The following SUOX variants were observed in gnomAD, a reference collection of about 807,000 sequenced individuals.
SUOX encodes the protein sulfite oxidase, also known as sulfite oxidase, mitochondrial.
Under a neutral mutation model 41.9 loss-of-function variants are expected in SUOX, and 39 were observed. The ratio of observed to expected loss-of-function variants is 0.93; its 90% confidence interval spans 0.72 to 1.21. The LOEUF (loss-of-function observed/expected upper bound fraction) is 1.21. Ranked by LOEUF, SUOX falls within the 50% of genes most tolerant of loss-of-function variation. The probability of loss-of-function intolerance (pLI) is 0.00; values close to 1 mark genes in which losing one functional copy is unlikely to be tolerated. For synonymous variants in SUOX, 220 were observed against 268.4 expected, an observed-to-expected ratio of 0.82 and a Z score of 1.76; for missense variants, 633 against 689.5, an observed-to-expected ratio of 0.92 and a Z score of 0.92.
Position 56,002,232 on chromosome 12 carries a change from T to C in SUOX, c.11T>C (p.Leu4Pro), listed in dbSNP as rs764620717. The change falls in exon 3 of 5, where the codon CTG (leucine) becomes CCG (proline). Residue 4 changes from leucine (L) to proline (P), a missense_variant. By Grantham distance (98) the Leu-to-Pro change is moderately conservative. Transcript: ENST00000266971. ...TACAGGTCTGCTACAATGCTGCTGC[T>C]GCACAGAGCTGTGGTCCTCAGGCTC... is the stretch of plus-strand genomic sequence containing the variant. MLL[L>P]HRAVVLRLQQ... 6.2e-7 allele frequency: 1 copy of C among 1,613,112 alleles called. No individual in the cohort carries two copies. The highest frequency in any genetic ancestry group is 1.1e-5 in the South Asian group (1 of 91,088).
chr12:56,002,335 A>G (rs1013095143), intron 3 of SUOX, 64 bp downstream of exon 3: 162 of 1,576,698 alleles, frequency 1.0e-4, no homozygotes, highest in Non-Finnish European at 1.3e-4. Context: ...TGTCTTTTAC[A>G]ATGTCATACC....
rs1565799390 is a variant in SUOX, at chr12:56,004,488, G to A, written c.1099G>A (p.Val367Met). 2 of 1,614,094 alleles carry A rather than the reference G, an allele frequency of 1.2e-6. No homozygotes were observed. Among genetic ancestry groups the A allele is most frequent in the Non-Finnish European group, 1.7e-6 (2 of 1,180,036 alleles). The change falls in exon 5 of 5, where the codon GTG (valine) becomes ATG (methionine). Residue 367 changes from valine to methionine, a missense_variant. By Grantham distance (21) the Val-to-Met change is conservative (BLOSUM62 1). Transcript: ENST00000266971. This position sits in a 1 kb window ranked among gnomAD's most constrained non-coding sequence, Gnocchi z 4.5. Reference protein sequence around the residue: ...LPRDHGFPVRVVVPGVVGARH... With the variant: ...LPRDHGFPVRMVVPGVVGARH... ...ACGTGACCACGGCTTCCCTGTGCGT[G>A]TGGTGGTTCCTGGAGTGGTGGGTGC...
At position 56,005,074 on chromosome 12, in the gene SUOX, A is replaced by C. The variant is rs767182198; in HGVS notation, c.*47A>C. The C allele has an allele frequency of 1.1e-5, 18 of 1,591,932 alleles. No homozygotes were observed. Among genetic ancestry groups the C allele is most frequent in the Non-Finnish European group, 1.5e-5 (18 of 1,171,688 alleles). On this transcript the variant is annotated 3_prime_UTR_variant, in exon 5 of 5. Transcript: ENST00000266971. ...ACCCCTTTCCCCACCCATTAGCCTC[A>C]CTGCTTCAGAAAAATCTTTCCCACC... is the stretch of plus-strand genomic sequence containing the variant.
At chr12:56,003,471 A>G (rs550628174) in intron 4 of SUOX, 147 bp from the exon 5 acceptor site, 50 of 692,424 alleles carry the variant, frequency 7.2e-5, no homozygotes, top group Non-Finnish European at 1.1e-4. Flanking sequence ...ATGTTGGTCA[A>G]GCTGGTCTTG....
At chr12:56,000,476 A>C (rs933909888) in intron 2 of SUOX, among the ~76,000 whole-genome samples, 1 of 152,154 alleles carries the variant, frequency 6.6e-6, no homozygotes, top group Admixed American at 6.5e-5. Context: ...CCGGAACTCC[A>C]GCTGGCCCGC....
At position 56,002,676 on chromosome 12, in the gene SUOX, T is replaced by G; in HGVS notation, c.184T>G (p.Leu62Val). The G allele has an allele frequency of 6.2e-7, 1 of 1,614,042 alleles. No homozygotes were observed. The change falls in exon 4 of 5, where the codon TTA becomes GTA. Residue 62 changes from leucine to valine, a missense_variant. Transcript: ENST00000266971. ...TQGWRVMGTL[L>V]GLGAVLAYQD... ...GGGATGGAGAGTCATGGGGACCCTA[T>G]TAGGTCTCGGTGCAGTGTTGGCCTA...
intron 2 of SUOX, chr12:56,001,378 C>A (rs1405493151): frequency 6.6e-6 from 1 of 151,806 alleles, no homozygotes; most frequent in Non-Finnish European, 1.5e-5. Context: ...CCCGCCTCAG[C>A]CTCCCAAAGT....
chr12:55,998,382 CAAAAAAA>C (rs780569420), intron 2 of SUOX, among the ~76,000 whole-genome samples: 2 of 55,708 alleles, frequency 3.6e-5, no homozygotes, highest in Non-Finnish European at 7.6e-5. Context: ...CTCATCTCTA[CAAAAAAA>C]AAAAAAAAAA....
Position 56,004,175 on chromosome 12 carries a change from G to A in SUOX, c.786G>A (p.Leu262=), listed in dbSNP as rs780034427. The part of the protein sequence containing the change: ...NFPRYEITVT[L]QCAGNRRSEM... ...CCAGGTACGAGATCACAGTCACTCT[G>A]CAGTGTGCCGGCAACCGACGCTCTG... The change falls in exon 5 of 5, where the codon CTG becomes CTA. Residue 262 remains leucine (L), a synonymous_variant. Coordinates refer to ENST00000266971, the MANE Select transcript of SUOX (RefSeq NM_001032386.2). The surrounding 1 kb of genome is among the most constrained non-coding windows in gnomAD (Gnocchi z 4.5). 5 of 1,614,020 alleles carry A rather than the reference G, an allele frequency of 3.1e-6. No homozygotes were observed. In the Admixed American group the frequency reaches 8.3e-5, roughly 27 times the overall value.
chr12:55,999,492 G>A (rs143956013), intron 2 of SUOX: 1,954 of 154,848 alleles, frequency 0.013, 20 homozygotes, highest in Non-Finnish European at 0.019. Flanking sequence ...CAGCGTGTCC[G>A]GAGTTTGTTC....
chr12:56,004,259 T>C lies in SUOX; in HGVS notation c.870T>C (p.Thr290=). ...GLEWRTGAIS[T]ARWAGARLCD... ...AGTGGAGAACAGGAGCCATCAGCAC[T>C]GCACGCTGGGCTGGGGCACGGCTCT... The change falls in exon 5 of 5, where the codon ACT becomes ACC. Residue 290 remains threonine, a synonymous_variant. Coordinates refer to ENST00000266971, the MANE Select transcript of SUOX (RefSeq NM_001032386.2). The surrounding 1 kb of genome is among the most constrained non-coding windows in gnomAD (Gnocchi z 4.5). 1 of 1,613,998 alleles carries C rather than the reference T, an allele frequency of 6.2e-7. No individual in the cohort carries two copies. The highest frequency in any genetic ancestry group is 1.3e-5 in the African/African-American group (1 of 75,006).
intron 2 of SUOX, chr12:56,001,817 C>T: frequency 2.9e-6 from 2 of 687,546 alleles, no homozygotes; most frequent in Non-Finnish European, 3.8e-6. Context: ...TCAGTCTGAC[C>T]CACAGTTGTC....
Position 56,005,252 on chromosome 12 carries a change from C to A in SUOX, c.*225C>A. 1 of 613,748 alleles carries A rather than the reference C, an allele frequency of 1.6e-6. No individual in the cohort carries two copies. Among genetic ancestry groups the A allele is most frequent in the Non-Finnish European group, 2.9e-6 (1 of 345,702 alleles). 38.0% of individuals were successfully genotyped at this position (613,748 alleles called of 1,614,324 possible). A position where few individuals can be genotyped will look rare whatever the true frequency, so the allele number is the denominator to read the frequency against. ...TGCCAGGAAGTGTGAGCTGTTACAG[C>A]AAGGGGCTAGAAGTGAAAAAAGTAA... On this transcript the variant is annotated 3_prime_UTR_variant, in exon 5 of 5. Coordinates refer to ENST00000266971, the MANE Select transcript of SUOX (RefSeq NM_001032386.2).
chr12:56,001,186 G>C (rs573867970), intron 2 of SUOX: 1 of 140,092 alleles, frequency 7.1e-6, no homozygotes, highest in South Asian at 2.3e-4. Context: ...GAGCAGTGGC[G>C]TGATCTCAGC....
chr12:56,000,231 G>C (rs1412308790), intron 2 of SUOX, among the ~76,000 whole-genome samples: 2 of 152,248 alleles, frequency 1.3e-5, no homozygotes, highest in Non-Finnish European at 2.9e-5. Context: ...GGCCCCACAG[G>C]AGCCCACGGC....
intron 2 of SUOX, 103 bp downstream of exon 2, chr12:55,997,826 C>T (rs1890363030): frequency 6.6e-6 from 1 of 152,402 alleles, no homozygotes; most frequent in Non-Finnish European, 1.5e-5. Context: ...ACGACCCACC[C>T]ACCCCAGCAC....
Position 56,004,534 on chromosome 12 carries a change from G to A in SUOX, c.1145G>A (p.Gly382Asp). ...GGTGCCCGCCATGTCAAATGGCTGG[G>A]CAGAGTGAGTGTGCAGCCAGAGGAA... Reference protein sequence around the residue: ...VVGARHVKWLGRVSVQPEESY... With the variant: ...VVGARHVKWLDRVSVQPEESY... The change falls in exon 5 of 5, where the codon GGC (glycine) becomes GAC (aspartate). Residue 382 changes from glycine (G) to aspartate (D), a missense_variant. Gly to Asp is a moderately conservative substitution (Grantham distance 94). Transcript: ENST00000266971. This position sits in a 1 kb window ranked among gnomAD's most constrained non-coding sequence, Gnocchi z 4.5. The A allele has an allele frequency of 6.2e-7, 1 of 1,614,142 alleles. No homozygotes were observed. Among genetic ancestry groups the A allele is most frequent in the Non-Finnish European group, 8.5e-7 (1 of 1,180,036 alleles).
chr12:56,002,365 G>C, intron 3 of SUOX, 94 bp downstream of exon 3: 3 of 1,524,040 alleles, frequency 2.0e-6, no homozygotes, highest in Non-Finnish European at 2.7e-6. Flanking sequence ...AGACAGTTGA[G>C]AGAGTGTGTC....
Position 56,005,159 on chromosome 12 carries a change from C to A in SUOX, c.*132C>A, listed in dbSNP as rs1451006311. On this transcript the variant is annotated 3_prime_UTR_variant, in exon 5 of 5. Transcript: ENST00000266971. ...AAGCCATACCCAAGTACACATATAG[C>A]ACATTTCACCCAAGGACCTTCCCTC... is the stretch of plus-strand genomic sequence containing the variant. 1 of 1,000,052 alleles carries A rather than the reference C, an allele frequency of 1.0e-6. No individual in the cohort carries two copies. The highest frequency in any genetic ancestry group is 1.6e-5 in the African/African-American group (1 of 62,874). The allele number at this position is 1,000,052 out of a possible 1,614,324, so 61.9% of individuals were successfully genotyped here.
Sources: gnomAD v4.1 joint callset for allele counts (sites outside exome capture counted in the v4.1 genomes callset) on GRCh38, gnomAD v4.1.1 for gene constraint, Gnocchi (gnomAD v3.1) non-coding constraint, MANE v1.5 for transcripts, NCBI Gene and HGNC (gene_info 2026-07-23, HGNC 2026-07-21) for gene names.